FXR2: variants seen among roughly 807,000 people sequenced by gnomAD.
FXR2 encodes the protein FMR1 autosomal homolog 2, also known as RNA-binding protein FXR2.
A neutral mutation model predicts 87.3 loss-of-function variants in FXR2; 9 were observed. The ratio of observed to expected loss-of-function variants is 0.10; its 90% confidence interval spans 0.06 to 0.18. The LOEUF is 0.18. FXR2 is among the 10% of genes least tolerant of loss of function. The pLI, the probability that FXR2 is intolerant of heterozygous loss-of-function variation, is 1.00. For missense variants in FXR2, 661 were observed against 893.6 expected (o/e 0.74, Z 3.32); for synonymous variants, 331 against 328.3 (o/e 1.01, Z -0.09).
rs1353979470 is a variant in FXR2 at position 7,594,086 on chromosome 17, C to A, written c.1021-82G>T. The A allele has an allele frequency of 2.0e-6, 2 of 1,006,534 alleles. No individual in the cohort carries two copies. The highest frequency in any genetic ancestry group is 3.2e-6 in the Non-Finnish European group (2 of 630,868). The allele number at this position is 1,006,534 out of a possible 1,614,324, so 62.4% of individuals were successfully genotyped here. ...AACGCCGCCCAGTCTCCTAGGGGAGCCTGCCCAGTGGGATCATTCTGGGCT... is the reference window on the plus strand; with the variant it reads ...AACGCCGCCCAGTCTCCTAGGGGAGACTGCCCAGTGGGATCATTCTGGGCT... On this transcript the variant is annotated intron_variant, in intron 10 of 16. Coordinates refer to ENST00000250113, the MANE Select transcript of FXR2 (RefSeq NM_004860.4). This position sits in a 1 kb window ranked among gnomAD's most constrained non-coding sequence, Gnocchi z 5.1.
intron 7 of FXR2, among the ~76,000 whole-genome samples, chr17:7,598,882 A>C (rs2071729463): frequency 6.6e-6 from 1 of 152,134 alleles, no homozygotes; most frequent in Admixed American, 6.5e-5. Context: ...ATAGTGGCTC[A>C]TGCCTGTAAT....
intron 6 of FXR2, chr17:7,602,696 T>C (rs2071768515): frequency 2.2e-6 from 1 of 447,952 alleles, no homozygotes. Context: ...GCCATTGTTC[T>C]CCAGCCTGGG....
intron 7 of FXR2, among the ~76,000 whole-genome samples, chr17:7,599,159 G>C (rs1453075038): frequency 6.6e-6 from 1 of 150,838 alleles, no homozygotes; most frequent in East Asian, 1.9e-4. Context: ...AAATAGCCAG[G>C]TATGGTGGCA....
At position 7,614,527 on chromosome 17, in the gene FXR2, G is replaced by T. The variant is rs2071923152; in HGVS notation, c.6C>A (p.Gly2=). The change falls in exon 1 of 17, where the codon GGC becomes GGA. Residue 2 remains glycine (G), a synonymous_variant. Transcript: ENST00000250113. M[G]GLASGGDVEP... ...CCACATCCCCCCCAGAGGCCAGGCC[G>T]CCCATGGCGCCGCCACCGCCTCCGA... The T allele has an allele frequency of 6.7e-6, 10 of 1,484,798 alleles. No individual in the cohort carries two copies. Among genetic ancestry groups the T allele is most frequent in the South Asian group, 1.3e-5 (1 of 77,572 alleles). The allele number at this position is 1,484,798 out of a possible 1,614,324, so 92.0% of individuals were successfully genotyped here.
intron 1 of FXR2, among the ~76,000 whole-genome samples, chr17:7,609,931 T>TATACATATACATGTATATGTATAC (rs771827089): frequency 4.6e-5 from 4 of 86,862 alleles, no homozygotes; most frequent in South Asian, 3.1e-4. Context: ...CATGTATATG[T>TATACATATACATGTATATGTATAC]ATATATATAC....
intron 3 of FXR2, among the ~76,000 whole-genome samples, chr17:7,605,374 A>G (rs1184016194): frequency 6.6e-6 from 1 of 152,112 alleles, no homozygotes; most frequent in Non-Finnish European, 1.5e-5. Context: ...TCTCAAAACA[A>G]CAACAACAAC....
chr17:7,604,036 C>G lies in FXR2; in HGVS notation c.273G>C (p.Leu91=). 1.3e-6 allele frequency: 2 copies of G among 1,588,762 alleles called. No homozygotes were observed. Among genetic ancestry groups the G allele is most frequent in the Middle Eastern group, 1.7e-4 (1 of 6,034 alleles). Residue 91 remains leucine (L), a synonymous_variant, in exon 4 of 17, where the codon CTG becomes CTC. Coordinates refer to ENST00000250113, the MANE Select transcript of FXR2 (RefSeq NM_004860.4). ...ANEQEPCGWW[L]ARVRMMKGDF... Reference sequence around the variant, plus strand: ...CTCCCTTCATCATCCGCACCCGGGCCAGCCACCAGCCACAAGGTTCCTGTT... The same window carrying G: ...CTCCCTTCATCATCCGCACCCGGGCGAGCCACCAGCCACAAGGTTCCTGTT...
rs1363911536 is a variant in FXR2 at position 7,592,155 on chromosome 17, C to T, written c.1926+99G>A. The T allele has an allele frequency of 1.3e-6, 2 of 1,547,828 alleles. No individual in the cohort carries two copies. The highest frequency in any genetic ancestry group is 1.4e-5 in the African/African-American group (1 of 73,004). ...GTCTAAACTCCATCAGACACAGCTG[C>T]CTCTGCAATTCAGTAGGAGATTTGT... On this transcript the variant is annotated intron_variant, in intron 16 of 16. Coordinates refer to ENST00000250113, the MANE Select transcript of FXR2 (RefSeq NM_004860.4). The surrounding 1 kb of genome is among the most constrained non-coding windows in gnomAD (Gnocchi z 4.8).
intron 1 of FXR2, among the ~76,000 whole-genome samples, chr17:7,610,042 A>ATATATACATGTATATGTATACATGTATG (rs1567754135): frequency 2.5e-5 from 2 of 81,302 alleles, no homozygotes; most frequent in African/African-American, 2.0e-4. Context: ...ATGTATGTAT[A>ATATATACATGTATATGTATACATGTATG]TATATACACA....
rs375738238 is a variant in FXR2 at position 7,593,604 on chromosome 17, C to G, written c.1129G>C (p.Glu377Gln). Residue 377 changes from glutamate (E) to glutamine (Q), a missense_variant, in exon 12 of 17, where the codon GAG becomes CAG. Physicochemically the swap from Glu to Gln is conservative, Grantham distance 29. Around this residue, in one of 3 missense-constraint regions of FXR2, gnomAD observed 409 missense variants for 432.0 expected, o/e 0.95. Transcript: ENST00000250113. The surrounding 1 kb of genome is among the most constrained non-coding windows in gnomAD (Gnocchi z 6.1). The part of the protein sequence containing the change: ...YLQEVEQLRL[E>Q]RLQIDEQLRQ... The stretch of plus-strand genomic sequence containing the variant: ...AGCTGCTCATCAATTTGTAGCCTCT[C>G]CAAGCGAAGCTGCTCTACCTCCTGG... 37 of 1,590,622 alleles carry G rather than the reference C, an allele frequency of 2.3e-5. No individual in the cohort carries two copies. In the African/African-American group the frequency reaches 4.0e-4, roughly 17 times the overall value.
chr17:7,610,063 C>CAT (rs1235616653), intron 1 of FXR2, among the ~76,000 whole-genome samples: 1 of 141,022 alleles, frequency 7.1e-6, no homozygotes, highest in Non-Finnish European at 1.5e-5. Context: ...CACACACACA[C>CAT]ACATATATAT....
In FXR2 at chr17:7,595,305, T is replaced by G. The variant is rs916194163; in HGVS notation, c.831+519A>C. Among the ~76,000 whole-genome samples the G allele has an allele frequency of 6.6e-6, 1 of 152,028 alleles. No homozygotes were observed. Among genetic ancestry groups the G allele is most frequent in the Admixed American group, 6.6e-5 (1 of 15,236 alleles). ...TATTTTTTTGATTTTTTGGTCTCAC[T>G]CTATTGACTATGTTGCCCAGGTTGG... On this transcript the variant is annotated intron_variant, in intron 8 of 16. Transcript: ENST00000250113. The surrounding 1 kb of genome is among the most constrained non-coding windows in gnomAD (Gnocchi z 4.7).
At chr17:7,599,950 T>C (rs2071739759) in intron 7 of FXR2, among the ~76,000 whole-genome samples, 1 of 152,080 alleles carries the variant, frequency 6.6e-6, no homozygotes, top group Admixed American at 6.5e-5. Flanking sequence ...CAGGCTGGAG[T>C]ACAATGGTGT....
In FXR2 at chr17:7,592,184, A is replaced by AT; in HGVS notation, c.1926+69dup. 8 of 1,551,248 alleles carry AT rather than the reference A, an allele frequency of 5.2e-6. No individual in the cohort carries two copies. The highest frequency in any genetic ancestry group is 7.0e-6 in the Non-Finnish European group (8 of 1,136,392). ...TGCAATTCAGTAGGAGATTTGTGAA[A>AT]TTTTTTGTGCCCCCTGCCCCAGAGT... is the stretch of plus-strand genomic sequence containing the variant. On this transcript the variant is annotated intron_variant, in intron 16 of 16. Transcript: ENST00000250113. This position sits in a 1 kb window ranked among gnomAD's most constrained non-coding sequence, Gnocchi z 4.8.
At chr17:7,596,880 ATC>A (rs766925004) in intron 7 of FXR2, among the ~76,000 whole-genome samples, 6 of 152,156 alleles carry the variant, frequency 3.9e-5, no homozygotes, top group Non-Finnish European at 7.4e-5. Context: ...AGGCAGGTGG[ATC>A]ACAAGGTCAG....
chr17:7,602,852 G>A (rs1444621983), intron 6 of FXR2, 57 bp downstream of exon 6: 1 of 848,720 alleles, frequency 1.2e-6, no homozygotes, highest in Non-Finnish European at 2.0e-6. Context: ...GGGTTAAAAA[G>A]GGAAAAAGAA....
intron 1 of FXR2, among the ~76,000 whole-genome samples, chr17:7,613,688 T>C (rs572878224): frequency 6.6e-6 from 1 of 152,336 alleles, no homozygotes; most frequent in African/African-American, 2.4e-5. Context: ...GAAGCTTACA[T>C]GCCTCAAGAC....
At chr17:7,596,687 G>C (rs909595163) in intron 7 of FXR2, among the ~76,000 whole-genome samples, 1 of 152,206 alleles carries the variant, frequency 6.6e-6, no homozygotes, top group Non-Finnish European at 1.5e-5. Context: ...AGACTAGCAA[G>C]AGGATTAGAC....
chr17:7,600,290 C>T (rs1012833909), intron 7 of FXR2, among the ~76,000 whole-genome samples: 21 of 151,958 alleles, frequency 1.4e-4, no homozygotes, highest in African/African-American at 5.1e-4. Context: ...CCTCCACTTC[C>T]CAGGTTCAAG....
Sources: gnomAD v4.1 joint callset for allele counts (sites outside exome capture counted in the v4.1 genomes callset) on GRCh38, gnomAD v4.1.1 for gene constraint, gnomAD v4.1.1 regional missense constraint, Gnocchi (gnomAD v3.1) non-coding constraint, MANE v1.5 for transcripts, NCBI Gene and HGNC (gene_info 2026-07-23, HGNC 2026-07-21) for gene names.